AGMO: variants seen among roughly 807,000 people sequenced by gnomAD.
The protein encoded by AGMO is glyceryl-ether monooxygenase.
Under a neutral mutation model 60.2 loss-of-function variants are expected in AGMO, and 75 were observed. The ratio of observed to expected loss-of-function variants is 1.25; its 90% CI spans 1.03 to 1.51. AGMO has a LOEUF of 1.51. Ranked by LOEUF, AGMO falls within the 40% of genes most tolerant of loss-of-function variation. The pLI, the probability that AGMO is intolerant of heterozygous loss-of-function variation, is 0.00. For missense variants in AGMO, 763 were observed against 525.5 expected (o/e 1.45, Z -4.42); for synonymous variants, 261 against 177.1 (o/e 1.47, Z -3.76).
chr7:15,215,366 CTTT>C (rs1374905565), intron 12 of AGMO, among the ~76,000 whole-genome samples: 1 of 151,764 alleles, frequency 6.6e-6, no homozygotes, highest in Non-Finnish European at 1.5e-5. Flanking sequence ...TTTTTCCTCT[CTTT>C]TTTTTCTTTA....
intron 12 of AGMO, among the ~76,000 whole-genome samples, chr7:15,287,532 C>G (rs1663119879): frequency 6.6e-6 from 1 of 152,142 alleles, no homozygotes; most frequent in African/African-American, 2.4e-5. Flanking sequence ...TTTAACCTAT[C>G]TTGCTAAGAA....
chr7:15,442,732 T>G (rs143108575), intron 3 of AGMO, among the ~76,000 whole-genome samples: 1 of 151,884 alleles, frequency 6.6e-6, no homozygotes, highest in Non-Finnish European at 1.5e-5. Context: ...CCTGCCTTCA[T>G]GCCCAAATGT....
intron 12 of AGMO, among the ~76,000 whole-genome samples, chr7:15,262,709 T>C (rs2128510112): frequency 6.6e-6 from 1 of 151,022 alleles, no homozygotes; most frequent in African/African-American, 2.4e-5. Context: ...CCTGATGTTA[T>C]ACTATAAGGC....
the AGMO span, among the ~76,000 whole-genome samples, chr7:15,137,306 T>C: frequency 6.6e-6 from 1 of 152,218 alleles, no homozygotes; most frequent in African/African-American, 2.4e-5. Context: ...TACGTTTTCC[T>C]CAGAAACTCC....
intron 12 of AGMO, among the ~76,000 whole-genome samples, chr7:15,293,599 TCTCAGCTTCTACTCTAGTTC>T (rs137995659): frequency 0.016 from 2,466 of 152,272 alleles, 72 homozygotes; most frequent in African/African-American, 0.057. Context: ...ACTGTTAACA[TCTCAGCTTCTACTCTAGTTC>T]CTCACACCAA....
intron 9 of AGMO, among the ~76,000 whole-genome samples, chr7:15,386,875 T>A (rs1461581357): frequency 6.6e-6 from 1 of 152,186 alleles, no homozygotes. Flanking sequence ...TTAAAGATCT[T>A]TTTTATTTTT....
chr7:15,391,083 T>C (rs1336158611), intron 6 of AGMO, among the ~76,000 whole-genome samples, 178 bp from the exon 7 acceptor site: 1 of 152,030 alleles, frequency 6.6e-6, no homozygotes, highest in Non-Finnish European at 1.5e-5. Context: ...GGAATTTTTA[T>C]TTTTCAATTA....
Position 15,394,083 on chromosome 7 carries a change from GAA to G in AGMO, c.676+28_676+29del, listed in dbSNP as rs772636718. ...ATAATGCAATTTTTAGAGAAATGAAGAAAAGAGAGAAGAAACAAAACTTCCTT... is the reference window on the plus strand; with the variant it reads ...ATAATGCAATTTTTAGAGAAATGAAGAAGAGAGAAGAAACAAAACTTCCTT... On this transcript the variant is annotated intron_variant, in intron 6 of 12. Transcript: ENST00000342526. 37 of 1,528,884 alleles carry G rather than the reference GAA, an allele frequency of 2.4e-5. No homozygotes were observed. The African/African-American group carries it at 4.7e-4, about 19-fold the overall frequency. 94.7% of individuals were successfully genotyped at this position (1,528,884 alleles called of 1,614,324 possible).
intron 12 of AGMO, among the ~76,000 whole-genome samples, chr7:15,347,384 C>G (rs1265615942): frequency 6.6e-6 from 1 of 152,000 alleles, no homozygotes; most frequent in South Asian, 2.1e-4. Context: ...CTGATGAAAG[C>G]TGACAACAGC....
chr7:15,287,892 G>C (rs1485144756), intron 12 of AGMO, among the ~76,000 whole-genome samples: 1 of 152,040 alleles, frequency 6.6e-6, no homozygotes, highest in Non-Finnish European at 1.5e-5. Flanking sequence ...CTGGCATTTT[G>C]AGTCAATCAA....
Position 15,529,476 on chromosome 7 carries a change from C to A in AGMO, c.409+15296G>T, listed in dbSNP as rs188377355. Among the ~76,000 whole-genome samples, 26 of 139,618 alleles carry A rather than the reference C, an allele frequency of 1.9e-4. 1 individual carries two copies. The highest frequency in any genetic ancestry group is 4.0e-3 in the Middle Eastern group (1 of 250). The allele number at this position is 139,618 out of a possible 152,430, so 91.6% of individuals were successfully genotyped here. ...AACAACAATTAAGCTCAGGTTCTAC[C>A]CCCTAGAGATTCTAAGATTCTAGTT... On this transcript the variant is annotated intron_variant, in intron 3 of 12. Transcript: ENST00000342526.
chr7:15,531,094 T>A (rs1330503055), intron 3 of AGMO, among the ~76,000 whole-genome samples: 1 of 49,734 alleles, frequency 2.0e-5, no homozygotes. Flanking sequence ...ATATATATAT[T>A]CTATATATAT....
chr7:15,164,607 A>G, the AGMO span, among the ~76,000 whole-genome samples: 1 of 152,266 alleles, frequency 6.6e-6, no homozygotes, highest in South Asian at 2.1e-4. Context: ...AGCAGCCAAC[A>G]AACGTATGAA....
At chr7:15,382,901 T>A (rs967214687) in intron 10 of AGMO, among the ~76,000 whole-genome samples, 9 of 152,106 alleles carry the variant, frequency 5.9e-5, no homozygotes, top group South Asian at 2.1e-4. Context: ...TCAAATCACG[T>A]ATTTATGTGT....
At chr7:15,351,088 T>C (rs1261428105) in intron 12 of AGMO, among the ~76,000 whole-genome samples, 2 of 152,166 alleles carry the variant, frequency 1.3e-5, no homozygotes, top group Admixed American at 1.3e-4. Context: ...CTAAGAAAAT[T>C]GCAGTATAGT....
At chr7:15,320,869 GATGGT>G (rs1781087812) in intron 12 of AGMO, among the ~76,000 whole-genome samples, 1 of 152,106 alleles carries the variant, frequency 6.6e-6, no homozygotes, top group African/African-American at 2.4e-5. Flanking sequence ...GTTACATTTG[GATGGT>G]ATAACTTTAG....
chr7:15,282,366 G>C (rs903485156), intron 12 of AGMO, among the ~76,000 whole-genome samples: 13 of 151,912 alleles, frequency 8.6e-5, no homozygotes, highest in African/African-American at 3.1e-4. Context: ...TAAAGAGATA[G>C]ATATTTTACA....
chr7:15,147,617 G>A, the AGMO span, among the ~76,000 whole-genome samples: 1 of 152,048 alleles, frequency 6.6e-6, no homozygotes, highest in Non-Finnish European at 1.5e-5. Flanking sequence ...ATCTTTTAAT[G>A]GATTTCCTTG....
At chr7:15,365,640 C>T in intron 11 of AGMO, 21 bp from the exon 12 acceptor site, 1 of 1,523,090 alleles carries the variant, frequency 6.6e-7, no homozygotes, top group African/African-American at 1.4e-5. Flanking sequence ...ATGTCATTAA[C>T]ATGCATTAGC....
Sources: allele counts gnomAD v4.1 joint callset (sites outside exome capture counted in the v4.1 genomes callset), GRCh38; gene constraint gnomAD v4.1.1; transcripts MANE v1.5; gene names NCBI Gene and HGNC (gene_info 2026-07-23, HGNC 2026-07-21).